The following ZNF654 variants were observed in gnomAD, a reference collection of about 807,000 sequenced individuals.
The protein encoded by ZNF654 is melanoma-associated antigen.
Under a neutral mutation model 95.3 loss-of-function variants are expected in ZNF654, and 19 were observed. That is an observed-to-expected ratio of 0.20 (90% confidence interval 0.14 to 0.29). ZNF654 has a LOEUF of 0.29. ZNF654 is among the 10% of genes least tolerant of loss of function. The probability of loss-of-function intolerance (pLI) is 1.00; values close to 1 mark genes in which losing one functional copy is unlikely to be tolerated. For missense variants in ZNF654, 1,046 were observed against 1,341.0 expected (o/e 0.78, Z 3.44); for synonymous variants, 413 against 457.9 (o/e 0.90, Z 1.25).
rs1420957794 is a variant in ZNF654 at position 88,140,006 on chromosome 3, A to G, written c.2337A>G (p.Gln779=). Residue 779 remains glutamine, a synonymous_variant, in exon 8 of 9, where the codon CAA becomes CAG. Coordinates refer to ENST00000636215, the MANE Select transcript of ZNF654 (RefSeq NM_001350134.2). ...ATCCAACCGATTTAAATGTGCGACA[A>G]ACAGTAATGAAGTGGAGCAAAGGAA... ...TVHPTDLNVR[Q]TVMKWSKGKC... The G allele has an allele frequency of 6.2e-7, 1 of 1,613,826 alleles. No homozygotes were observed. Among genetic ancestry groups the G allele is most frequent in the Non-Finnish European group, 8.5e-7 (1 of 1,179,816 alleles).
At chr3:88,128,200 A>C (rs1488855713) in intron 4 of ZNF654, among the ~76,000 whole-genome samples, 13 of 152,132 alleles carry the variant, frequency 8.5e-5, no homozygotes, top group Non-Finnish European at 1.6e-4. Context: ...TGGTGTTTAT[A>C]TATTTTAAAA....
At chr3:88,128,214 T>G (rs1034745938) in intron 4 of ZNF654, among the ~76,000 whole-genome samples, 3 of 152,128 alleles carry the variant, frequency 2.0e-5, no homozygotes, top group Non-Finnish European at 4.4e-5. Context: ...TTTAAAATTG[T>G]GTAAAGTATT....
intron 2 of ZNF654, among the ~76,000 whole-genome samples, chr3:88,086,670 C>T (rs1708349920): frequency 6.6e-6 from 1 of 152,158 alleles, no homozygotes; most frequent in South Asian, 2.1e-4. Context: ...TCCAGATTGC[C>T]TTGGGAAGCT....
At chr3:88,125,236 A>G (rs1032700920) in intron 3 of ZNF654, among the ~76,000 whole-genome samples, 10 of 148,306 alleles carry the variant, frequency 6.7e-5, no homozygotes, top group African/African-American at 2.6e-4. Context: ...ACAAAAAAAC[A>G]AAAAAAAACC....
intron 2 of ZNF654, among the ~76,000 whole-genome samples, chr3:88,086,875 C>T (rs547461710): frequency 1.7e-3 from 259 of 152,226 alleles, no homozygotes; most frequent in Admixed American, 5.8e-3. Context: ...CTCCCCCTCC[C>T]GGGTTCACGC....
At chr3:88,060,716 A>G (rs543369404) in intron 1 of ZNF654, among the ~76,000 whole-genome samples, 2 of 152,090 alleles carry the variant, frequency 1.3e-5, no homozygotes, top group East Asian at 3.9e-4. Context: ...TAGGAAATAA[A>G]GTTAATGAGA....
At position 88,101,364 on chromosome 3, in the gene ZNF654, A is replaced by G. The variant is rs978115515; in HGVS notation, c.333-11751A>G. Among the ~76,000 whole-genome samples the G allele has an allele frequency of 2.1e-4, 32 of 152,178 alleles. 1 individual carries two copies. On this transcript the variant is annotated intron_variant, in intron 2 of 8. Coordinates refer to ENST00000636215, the MANE Select transcript of ZNF654 (RefSeq NM_001350134.2). ...TATTTCTAGACATTTCATATAAATGATATCATAGAATATGTAGTATTTTGG... is the reference window on the plus strand; with the variant it reads ...TATTTCTAGACATTTCATATAAATGGTATCATAGAATATGTAGTATTTTGG...
chr3:88,118,298 A>G (rs1273641181), intron 3 of ZNF654, among the ~76,000 whole-genome samples: 2 of 152,260 alleles, frequency 1.3e-5, no homozygotes, highest in East Asian at 3.9e-4. Flanking sequence ...AAAGGGAGTT[A>G]GGAGGTGGTA....
chr3:88,118,153 C>G (rs1705525898), intron 3 of ZNF654, among the ~76,000 whole-genome samples: 1 of 152,130 alleles, frequency 6.6e-6, no homozygotes. Flanking sequence ...AGAGAAAAGT[C>G]TATCCTTATC....
intron 1 of ZNF654, among the ~76,000 whole-genome samples, chr3:88,069,797 A>C (rs1418236955): frequency 6.6e-6 from 1 of 152,236 alleles, no homozygotes; most frequent in Admixed American, 6.5e-5. Flanking sequence ...GGTGACTGCA[A>C]ACCAGTAGAA....
intron 2 of ZNF654, among the ~76,000 whole-genome samples, chr3:88,111,834 A>G (rs951174682): frequency 1.3e-5 from 2 of 152,008 alleles, no homozygotes; most frequent in African/African-American, 4.8e-5. Flanking sequence ...CATAGAATAC[A>G]TCATCTCTTT....
At position 88,139,072 on chromosome 3, in the gene ZNF654, A is replaced by T; in HGVS notation, c.1403A>T (p.Lys468Ile). The change falls in exon 8 of 9, where the codon AAA (lysine) becomes ATA (isoleucine). Residue 468 changes from lysine to isoleucine, a missense_variant. Coordinates refer to ENST00000636215, the MANE Select transcript of ZNF654 (RefSeq NM_001350134.2). Reference sequence around the variant, plus strand: ...AACTGTGTAGCATTATTGAGTGATAAATCAGCAGTTAGATTTCTAAATGAA... The same window carrying T: ...AACTGTGTAGCATTATTGAGTGATATATCAGCAGTTAGATTTCTAAATGAA... ...KKNCVALLSD[K>I]SAVRFLNEST... The T allele has an allele frequency of 7.9e-7, 1 of 1,266,732 alleles. No individual in the cohort carries two copies. Among genetic ancestry groups the T allele is most frequent in the Non-Finnish European group, 9.9e-7 (1 of 1,008,966 alleles). The allele number at this position is 1,266,732 out of a possible 1,614,324, so 78.5% of individuals were successfully genotyped here. A position where few individuals can be genotyped will look rare whatever the true frequency, so the allele number is the denominator to read the frequency against.
chr3:88,087,127 G>A (rs1442855999), intron 2 of ZNF654, among the ~76,000 whole-genome samples: 3 of 151,648 alleles, frequency 2.0e-5, no homozygotes, highest in East Asian at 1.9e-4. Context: ...CACCCAGGCC[G>A]GAGTGCAGTG....
rs762094152 is a variant in ZNF654, at chr3:88,139,520, A to G, written c.1851A>G (p.Glu617=). ...QQDDQEVTAL[E]EINCSSSSIS... ...ATGATCAGGAAGTCACTGCTTTGGA[A>G]GAAATAAATTGTTCTAGTTCTTCCA... The change falls in exon 8 of 9, where the codon GAA becomes GAG. Residue 617 remains glutamate (E), a synonymous_variant. Transcript: ENST00000636215. The G allele has an allele frequency of 6.2e-7, 1 of 1,613,456 alleles. No individual in the cohort carries two copies. Among genetic ancestry groups the G allele is most frequent in the Admixed American group, 1.7e-5 (1 of 59,942 alleles).
intron 3 of ZNF654, 50 bp from the exon 4 acceptor site, chr3:88,126,084 G>A: frequency 7.1e-7 from 1 of 1,406,624 alleles, no homozygotes; most frequent in Non-Finnish European, 9.3e-7. Context: ...ATCAAGTTTA[G>A]TTTTTAACCC....
chr3:88,069,514 A>G (rs1707389434), intron 1 of ZNF654, among the ~76,000 whole-genome samples: 1 of 152,342 alleles, frequency 6.6e-6, no homozygotes, highest in African/African-American at 2.4e-5. Context: ...TGGCTCAGTT[A>G]TAACTTTTCT....
chr3:88,101,388 G>A (rs2107717987), intron 2 of ZNF654, among the ~76,000 whole-genome samples: 1 of 152,052 alleles, frequency 6.6e-6, no homozygotes, highest in South Asian at 2.1e-4. Flanking sequence ...GTAGTATTTT[G>A]GATACTTTCA....
At chr3:88,071,890 C>T (rs1371638913) in intron 1 of ZNF654, among the ~76,000 whole-genome samples, 1 of 152,190 alleles carries the variant, frequency 6.6e-6, no homozygotes, top group Non-Finnish European at 1.5e-5. Context: ...TATCTTCTCT[C>T]TTATATTTTG....
At chr3:88,078,105 T>G (rs146633597) in intron 1 of ZNF654, among the ~76,000 whole-genome samples, 2 of 152,350 alleles carry the variant, frequency 1.3e-5, no homozygotes, top group East Asian at 3.9e-4. Flanking sequence ...CAAACTATTG[T>G]GAATATCGGA....
Sources: gnomAD v4.1 joint callset for allele counts (sites outside exome capture counted in the v4.1 genomes callset) on GRCh38, gnomAD v4.1.1 for gene constraint, MANE v1.5 for transcripts, NCBI Gene and HGNC (gene_info 2026-07-23, HGNC 2026-07-21) for gene names.